ACBD5: variants seen among roughly 807,000 people sequenced by gnomAD.
The protein encoded by ACBD5 is acyl-CoA-binding domain-containing protein 5.
ACBD5 carries 40 observed loss-of-function variants against 71.8 expected under a neutral mutation model. The ratio of observed to expected loss-of-function variants is 0.56; its 90% CI spans 0.43 to 0.72. The LOEUF is 0.72. Ranked by LOEUF, ACBD5 falls within the 30% of genes least tolerant of loss-of-function variation. ACBD5 has a pLI of 0.00. For synonymous variants in ACBD5, 229 were observed against 218.6 expected, an observed-to-expected ratio of 1.05 and a Z score of -0.42; for missense variants, 559 against 644.5, an observed-to-expected ratio of 0.87 and a Z score of 1.44.
In ACBD5 at chr10:27,210,944, C is replaced by T. The variant is rs760359198; in HGVS notation, c.1074G>A (p.Gln358=). The change falls in exon 9 of 13, where the codon CAG becomes CAA. Residue 358 remains glutamine (Q), a synonymous_variant. Transcript: ENST00000396271. ...PPGNGNIGNM[Q]VVAVEGKGEV... ...CACCTTTTCCTTCAACTGCAACCACCTGCATATTCCCAATGTTGCCATTTC... is the reference window on the plus strand; with the variant it reads ...CACCTTTTCCTTCAACTGCAACCACTTGCATATTCCCAATGTTGCCATTTC... 6 of 1,614,078 alleles carry T rather than the reference C, an allele frequency of 3.7e-6. No individual in the cohort carries two copies. In the South Asian group the frequency reaches 5.5e-5, roughly 15 times the overall value.
At chr10:27,186,567 T>TTATAGCAA (rs902207437) in intron 13 of ACBD5, 1 of 1,562,644 alleles carries the variant, frequency 6.4e-7, no homozygotes, top group Non-Finnish European at 8.8e-7. Context: ...TCTAGCCTTG[T>TTATAGCAA]GTTATAGAAT....
chr10:27,205,500 C>T (rs988294065), intron 10 of ACBD5, among the ~76,000 whole-genome samples: 10 of 152,042 alleles, frequency 6.6e-5, no homozygotes, highest in African/African-American at 2.4e-4. Context: ...CCAAACAATA[C>T]TTTAATGCTT....
chr10:27,196,428 T>TGAG lies in ACBD5; in HGVS notation c.*1001_*1002insCTC. 1 of 454,406 alleles carries TGAG rather than the reference T, an allele frequency of 2.2e-6. No individual in the cohort carries two copies. The highest frequency in any genetic ancestry group is 4.4e-6 in the Non-Finnish European group (1 of 226,766). The allele number at this position is 454,406 out of a possible 1,614,324, so 28.1% of individuals were successfully genotyped here. On this transcript the variant is annotated 3_prime_UTR_variant, in exon 13 of 13. Coordinates refer to ENST00000396271, the MANE Select transcript of ACBD5 (RefSeq NM_145698.5). ...AGCATTTGGCCCGTTAGCTTGCAAATCCCTCCAGTACTCCTGTGAAGTAGG... is the reference window on the plus strand; with the variant it reads ...AGCATTTGGCCCGTTAGCTTGCAAATGAGCCCTCCAGTACTCCTGTGAAGTAGG...
At position 27,240,412 on chromosome 10, in the gene ACBD5, G is replaced by A. The variant is rs201279624; in HGVS notation, c.88C>T (p.Gln30Ter). ...TCCGCCATCTCCAGCTGCCAGTGTT[G>A]GCCCCGGTCCCAAGGTCTGTCGGCG... ...IPADRPWDRG[Q>*]HWQLEMADTR... Residue 30 changes from glutamine to a stop codon, truncating the protein, a stop_gained, in exon 2 of 13, where the codon CAA becomes TAA. Coordinates refer to ENST00000396271, the MANE Select transcript of ACBD5 (RefSeq NM_145698.5). LOFTEE classifies it high-confidence loss of function. The surrounding 1 kb of genome is among the most constrained non-coding windows in gnomAD (Gnocchi z 4.1). 1.2e-4 allele frequency: 193 copies of A among 1,613,918 alleles called. No homozygotes were observed. The highest frequency in any genetic ancestry group is 1.6e-4 in the Non-Finnish European group (187 of 1,180,014).
Position 27,204,456 on chromosome 10 carries a change from A to G in ACBD5, c.1549T>C (p.Tyr517His). The change falls in exon 12 of 13, where the codon TAT (tyrosine) becomes CAT (histidine). Residue 517 changes from tyrosine (Y) to histidine (H), a missense_variant. Coordinates refer to ENST00000396271, the MANE Select transcript of ACBD5 (RefSeq NM_145698.5). ...FIAQWLVYLY[Y>H]QRRRRKLN The stretch of plus-strand genomic sequence containing the variant: ...TGGTCTTACCTTCTCCTTCTTTGAT[A>G]GTATAAATACACCAACCACTGTGCA... 1.2e-6 allele frequency: 2 copies of G among 1,613,174 alleles called. No homozygotes were observed. The highest frequency in any genetic ancestry group is 1.7e-6 in the Non-Finnish European group (2 of 1,179,154).
intron 13 of ACBD5, among the ~76,000 whole-genome samples, chr10:27,186,071 G>A (rs557850018): frequency 1.6e-4 from 24 of 150,828 alleles, no homozygotes; most frequent in Admixed American, 1.3e-4. Flanking sequence ...CCTGGGCAAC[G>A]GAGCGAGACC....
intron 8 of ACBD5, among the ~76,000 whole-genome samples, chr10:27,212,878 G>T (rs1464269703): frequency 1.3e-5 from 2 of 152,074 alleles, no homozygotes; most frequent in Admixed American, 6.6e-5. Context: ...TTGACCTTAA[G>T]TAAAAGATAT....
chr10:27,240,902 G>A (rs2065424212), upstream of ACBD5: 5 of 661,580 alleles, frequency 7.6e-6, no homozygotes, highest in Admixed American at 2.9e-5. This position sits in a 1 kb window ranked among gnomAD's most constrained non-coding sequence, Gnocchi z 4.1. Context: ...CACCCGACCC[G>A]CCGCCGCGGC....
At chr10:27,219,282 G>C (rs985301088) in intron 6 of ACBD5, among the ~76,000 whole-genome samples, 1 of 150,312 alleles carries the variant, frequency 6.7e-6, no homozygotes, top group Non-Finnish European at 1.5e-5. Context: ...ACTCCAGCCT[G>C]GGCAACAGAG....
At position 27,223,399 on chromosome 10, in the gene ACBD5, T is replaced by A. The variant is rs2137644341; in HGVS notation, c.429A>T (p.Ile143=). 1.9e-6 allele frequency: 3 copies of A among 1,613,914 alleles called. No individual in the cohort carries two copies. Among genetic ancestry groups the A allele is most frequent in the Non-Finnish European group, 2.5e-6 (3 of 1,180,008 alleles). ...TEKVEELLRV[I]GPFYEIVEDK... ...CCTCGACAATTTCATAAAATGGACCTATGACACGCAGCAATTCTTCAACTT... is the reference window on the plus strand; with the variant it reads ...CCTCGACAATTTCATAAAATGGACCAATGACACGCAGCAATTCTTCAACTT... Residue 143 remains isoleucine, a synonymous_variant, in exon 5 of 13, where the codon ATA becomes ATT. Coordinates refer to ENST00000396271, the MANE Select transcript of ACBD5 (RefSeq NM_145698.5).
intron 7 of ACBD5, among the ~76,000 whole-genome samples, chr10:27,217,199 T>C (rs997355997): frequency 1.4e-5 from 2 of 147,046 alleles, no homozygotes; most frequent in Non-Finnish European, 3.0e-5. Flanking sequence ...CTCACACCTG[T>C]AATTCCAGCA....
intron 8 of ACBD5, among the ~76,000 whole-genome samples, chr10:27,214,843 T>G (rs189496200): frequency 6.6e-6 from 1 of 152,230 alleles, no homozygotes; most frequent in East Asian, 1.9e-4. Flanking sequence ...GCCAAGAGTT[T>G]GAGACCAGCC....
chr10:27,233,702 G>GA (rs1280884860), intron 3 of ACBD5, among the ~76,000 whole-genome samples: 1 of 152,100 alleles, frequency 6.6e-6, no homozygotes, highest in African/African-American at 2.4e-5. Context: ...TGAGTGATGG[G>GA]AGTGAGACCC....
intron 13 of ACBD5, chr10:27,186,571 A>G (rs1461679610): frequency 1.3e-5 from 21 of 1,562,324 alleles, no homozygotes; most frequent in Non-Finnish European, 1.2e-5. Flanking sequence ...GCCTTGTGTT[A>G]TAGAATGAAC....
chr10:27,204,954 T>C (rs570174052), intron 11 of ACBD5, among the ~76,000 whole-genome samples: 121 of 152,166 alleles, frequency 8.0e-4, no homozygotes, highest in African/African-American at 1.1e-3. Flanking sequence ...GGTGAAACCC[T>C]GTCTCTACTA....
downstream of ACBD5, chr10:27,195,175 T>TA (rs1210481934): frequency 2.8e-6 from 1 of 353,284 alleles, no homozygotes; most frequent in African/African-American, 2.1e-5. Flanking sequence ...AATTCTTACC[T>TA]AATCAATGGG....
intron 4 of ACBD5, among the ~76,000 whole-genome samples, chr10:27,223,838 A>G (rs2780681): frequency 0.63 from 95,837 of 151,890 alleles, 30,584 homozygotes; most frequent in Non-Finnish European, 0.68. Context: ...TGAGCCTGGG[A>G]GGTCGAGGCT....
rs1215432511 is a variant in ACBD5 at position 27,195,474 on chromosome 10, T to C, written c.*1956A>G. 3 of 454,306 alleles carry C rather than the reference T, an allele frequency of 6.6e-6. No individual in the cohort carries two copies. The highest frequency in any genetic ancestry group is 6.0e-5 in the African/African-American group (3 of 50,016). 28.1% of individuals were successfully genotyped at this position (454,306 alleles called of 1,614,324 possible). On this transcript the variant is annotated 3_prime_UTR_variant, in exon 13 of 13. Transcript: ENST00000396271. ...AGTTATCCCAGACTGCTTGTAATGA[T>C]TCACAACTGCTTACACTCTTAATTT...
intron 13 of ACBD5, among the ~76,000 whole-genome samples, chr10:27,187,917 A>ATTTTC (rs1324020690): frequency 6.6e-6 from 1 of 152,118 alleles, no homozygotes; most frequent in African/African-American, 2.4e-5. Flanking sequence ...ACAAAACATA[A>ATTTTC]TTTTCTTTTG....
Sources: gnomAD v4.1 joint callset for allele counts (sites outside exome capture counted in the v4.1 genomes callset) on GRCh38, gnomAD v4.1.1 for gene constraint, Gnocchi (gnomAD v3.1) non-coding constraint, MANE v1.5 for transcripts, NCBI Gene and HGNC (gene_info 2026-07-23, HGNC 2026-07-21) for gene names.